Variants in APOL1 observed in about 807,000 individuals in gnomAD.
The protein encoded by APOL1 is apolipoprotein L 1.
In APOL1, 17 loss-of-function variants were observed where a neutral mutation model predicts 14.9. The observed-to-expected ratio is 1.14, with a 90% CI of 0.78 to 1.71. APOL1 has a LOEUF of 1.71. Ranked by LOEUF, APOL1 falls within the 40% of genes most tolerant of loss-of-function variation. The probability of loss-of-function intolerance (pLI) is 0.00; values close to 1 mark genes in which losing one functional copy is unlikely to be tolerated. For synonymous variants in APOL1, 195 were observed against 184.8 expected (o/e 1.05, Z -0.45); for missense variants, 523 against 485.9 (o/e 1.08, Z -0.72).
intron 5 of APOL1, among the ~76,000 whole-genome samples, chr22:36,264,869 G>A (rs1371296249): frequency 7.0e-6 from 1 of 143,200 alleles, no homozygotes; most frequent in East Asian, 2.0e-4. Flanking sequence ...CTGGAGTGCA[G>A]TGGCGCGATC....
rs1569534161 is a variant in APOL1 at position 36,265,843 on chromosome 22, CG to C, written c.1009del (p.Asp337MetfsTer5). Reference protein sequence around the residue: ...ILEMSRGVKLTDVAPVSFFLV... With the variant: ...ILEMSRGVKLXDVAPVSFFLV... ...GAAATGAGCAGAGGAGTCAAGCTCA[CG>C]GATGTGGCCCCTGTAAGCTTCTTTC... On this transcript the variant is annotated frameshift_variant, in exon 6 of 6. Transcript: ENST00000397278. LOFTEE classifies it low-confidence loss of function (END_TRUNC). 1 of 1,614,146 alleles carries C rather than the reference CG, an allele frequency of 6.2e-7. No individual in the cohort carries two copies.
At chr22:36,261,896 T>A (rs1053498436) in intron 5 of APOL1, among the ~76,000 whole-genome samples, 174 bp downstream of exon 5, 1 of 152,184 alleles carries the variant, frequency 6.6e-6, no homozygotes, top group African/African-American at 2.4e-5. Flanking sequence ...TCGCTGGCAG[T>A]GAGTAGCCTC....
intron 4 of APOL1, chr22:36,259,801 C>T: frequency 3.1e-6 from 4 of 1,304,282 alleles, no homozygotes; most frequent in Non-Finnish European, 4.0e-6. Context: ...CGAAGAACCC[C>T]CTCCACTGCC....
chr22:36,255,701 C>A (rs1324149008), intron 2 of APOL1, among the ~76,000 whole-genome samples: 1 of 150,754 alleles, frequency 6.6e-6, no homozygotes, highest in African/African-American at 2.5e-5. Context: ...CCGGGAACCA[C>A]TGAGCTGTTA....
Position 36,265,179 on chromosome 22 carries a change from C to T in APOL1, c.343C>T (p.Leu115=). 1 of 1,614,148 alleles carries T rather than the reference C, an allele frequency of 6.2e-7. No homozygotes were observed. Among genetic ancestry groups the T allele is most frequent in the South Asian group, 1.1e-5 (1 of 91,078 alleles). Reference sequence around the variant, plus strand: ...TGAGGCAGATGAGCTCCGTAAAGCTCTGGACAACCTTGCAAGACAAATGAT... The same window carrying T: ...TGAGGCAGATGAGCTCCGTAAAGCTTTGGACAACCTTGCAAGACAAATGAT... ...RNEADELRKA[L]DNLARQMIMK... Residue 115 remains leucine, a synonymous_variant, in exon 6 of 6, where the codon CTG becomes TTG. Coordinates refer to ENST00000397278, the MANE Select transcript of APOL1 (RefSeq NM_003661.4).
chr22:36,266,081 G>A lies in APOL1; in HGVS notation c.*48G>A. On this transcript the variant is annotated 3_prime_UTR_variant, in exon 6 of 6. Coordinates refer to ENST00000397278, the MANE Select transcript of APOL1 (RefSeq NM_003661.4). ...GGAGAGATATGCCTGGCAGGGGCCA[G>A]GACAAAATGCAAACTTTTTTTTTTT... 2 of 1,529,170 alleles carry A rather than the reference G, an allele frequency of 1.3e-6. No homozygotes were observed. Among genetic ancestry groups the A allele is most frequent in the Non-Finnish European group, 1.8e-6 (2 of 1,142,532 alleles). 94.7% of individuals were successfully genotyped at this position (1,529,170 alleles called of 1,614,324 possible).
intron 4 of APOL1, 116 bp from the exon 5 acceptor site, chr22:36,261,480 A>T: frequency 8.4e-7 from 1 of 1,187,262 alleles, no homozygotes; most frequent in South Asian, 1.4e-5. Context: ...GACTCCATAA[A>T]ACAAGTCCCA....
chr22:36,265,614 G>A lies in APOL1; in HGVS notation c.778G>A (p.Glu260Lys), dbSNP rs150472632. Residue 260 changes from glutamate (E) to lysine (K), a missense_variant, in exon 6 of 6, where the codon GAG becomes AAG. By Grantham distance (56) the Glu-to-Lys change is moderately conservative. Transcript: ENST00000397278. ...KLKEVREFLG[E>K]NISNFLSLAG... The stretch of plus-strand genomic sequence containing the variant: ...GAAGGAGGTGAGGGAGTTTTTGGGT[G>A]AGAACATATCCAACTTTCTTTCCTT... 8 of 1,596,944 alleles carry A rather than the reference G, an allele frequency of 5.0e-6. No homozygotes were observed. The African/African-American group carries it at 5.4e-5, about 11-fold the overall frequency.
chr22:36,257,009 T>C, intron 2 of APOL1, 74 bp from the exon 3 acceptor site: 1 of 1,529,172 alleles, frequency 6.5e-7, no homozygotes, highest in Non-Finnish European at 9.0e-7. Flanking sequence ...TATTTCTGTG[T>C]ATAGACTCTG....
At chr22:36,261,492 A>G in intron 4 of APOL1, 104 bp from the exon 5 acceptor site, 1 of 1,303,986 alleles carries the variant, frequency 7.7e-7, no homozygotes, top group Non-Finnish European at 1.1e-6. Context: ...CAAGTCCCAC[A>G]TCACAGCTGT....
rs136176 is a variant in APOL1 at position 36,265,600 on chromosome 22, G to A, written c.764G>A (p.Arg255Lys). The change falls in exon 6 of 6, where the codon AGG becomes AAG. Residue 255 changes from arginine to lysine, a missense_variant. By Grantham distance (26) the Arg-to-Lys change is conservative. Transcript: ENST00000397278. ...AGCCTTGACAAATTGAAGGAGGTGA[G>A]GGAGTTTTTGGGTGAGAACATATCC... ...IKSLDKLKEV[R>K]EFLGENISNF... The A allele has an allele frequency of 0.82, 1,309,636 of 1,596,678 alleles. 538,610 individuals are homozygous for A. The highest frequency in any genetic ancestry group is 0.95 in the African/African-American group (71,001 of 74,460).
In APOL1 at chr22:36,261,736, G is replaced by A. The variant is rs370874898; in HGVS notation, c.314+14G>A. ...TGAACTGCCCAGGTAAGCTCCATGG[G>A]GTTACCTCCATTGGGCACTCCGGCG... On this transcript the variant is annotated intron_variant, in intron 5 of 5. Coordinates refer to ENST00000397278, the MANE Select transcript of APOL1 (RefSeq NM_003661.4). 2 of 1,612,186 alleles carry A rather than the reference G, an allele frequency of 1.2e-6. No homozygotes were observed. The highest frequency in any genetic ancestry group is 1.3e-5 in the African/African-American group (1 of 74,856).
chr22:36,253,953 C>A (rs764691689), intron 1 of APOL1: 1 of 1,614,134 alleles, frequency 6.2e-7, no homozygotes, highest in Non-Finnish European at 8.5e-7. Flanking sequence ...ATGATGCCAG[C>A]TTTGCAATCA....
At chr22:36,254,038 A>C in intron 1 of APOL1, 1 of 1,607,596 alleles carries the variant, frequency 6.2e-7, no homozygotes, top group Non-Finnish European at 8.5e-7. Flanking sequence ...GTGTTCATAG[A>C]AGGAGAATCA....
chr22:36,261,812 TC>T (rs2016085768), intron 5 of APOL1, 90 bp downstream of exon 5: 5 of 1,483,234 alleles, frequency 3.4e-6, no homozygotes, highest in Non-Finnish European at 2.7e-6. Flanking sequence ...GCACACCTCC[TC>T]CAGGCAGCCC....
intron 4 of APOL1, among the ~76,000 whole-genome samples, chr22:36,258,044 G>A (rs754076639): frequency 5.9e-5 from 9 of 152,104 alleles, no homozygotes; most frequent in Non-Finnish European, 1.3e-4. Context: ...AATATAACAC[G>A]GCTACCTGGC....
At chr22:36,259,388 G>A (rs566163634) in intron 4 of APOL1, among the ~76,000 whole-genome samples, 3 of 152,190 alleles carry the variant, frequency 2.0e-5, no homozygotes, top group East Asian at 3.9e-4. Context: ...ACAATCGCTC[G>A]CCCAGCCAAG....
chr22:36,265,372 C>G lies in APOL1; in HGVS notation c.536C>G (p.Ser179Cys). 6.2e-7 allele frequency: 1 copy of G among 1,612,694 alleles called. No individual in the cohort carries two copies. The highest frequency in any genetic ancestry group is 8.5e-7 in the Non-Finnish European group (1 of 1,179,146). Reference protein sequence around the residue: ...HKGTTIANVVSGSLSISSGIL... With the variant: ...HKGTTIANVVCGSLSISSGIL... ...GGCACCACCATCGCCAATGTGGTGT[C>G]TGGCTCTCTCAGCATTTCCTCTGGC... The change falls in exon 6 of 6, where the codon TCT becomes TGT. Residue 179 changes from serine to cysteine, a missense_variant. Transcript: ENST00000397278.
At chr22:36,259,115 G>T (rs2015994285) in intron 4 of APOL1, among the ~76,000 whole-genome samples, 1 of 152,106 alleles carries the variant, frequency 6.6e-6, no homozygotes, top group Non-Finnish European at 1.5e-5. Context: ...AGTTTTGTTT[G>T]TATCTAACAG....
Sources: gnomAD v4.1 joint callset for allele counts (sites outside exome capture counted in the v4.1 genomes callset) on GRCh38, gnomAD v4.1.1 for gene constraint, MANE v1.5 for transcripts, NCBI Gene and HGNC (gene_info 2026-07-23, HGNC 2026-07-21) for gene names.